BPNT1: variants seen among roughly 807,000 people sequenced by gnomAD.
BPNT1 encodes the protein 3'(2'),5'-bisphosphate nucleotidase 1.
BPNT1 carries 28 observed loss-of-function variants against 36.9 expected under a neutral mutation model. That is an observed-to-expected ratio of 0.76 (90% CI 0.56 to 1.04). The LOEUF is 1.04. Ranked by LOEUF, BPNT1 falls within the 50% of genes least tolerant of loss-of-function variation. BPNT1 has a pLI of 0.00. For synonymous variants in BPNT1, 119 were observed against 130.9 expected (o/e 0.91, Z 0.62); for missense variants, 313 against 372.9 (o/e 0.84, Z 1.32).
intron 2 of BPNT1, among the ~76,000 whole-genome samples, chr1:220,076,352 T>G (rs1349254312): frequency 6.6e-6 from 1 of 151,632 alleles, no homozygotes; most frequent in Non-Finnish European, 1.5e-5. Flanking sequence ...TACAAAAAAA[T>G]TAGCTGGGTG....
intron 6 of BPNT1, chr1:220,065,933 CAG>C: frequency 2.0e-6 from 1 of 488,272 alleles, no homozygotes; most frequent in Non-Finnish European, 3.5e-6. Context: ...GGAAGTGGTA[CAG>C]AGAGAGGTAA....
At chr1:220,087,622 CTAAA>C (rs1182757873) in intron 1 of BPNT1, among the ~76,000 whole-genome samples, 3 of 151,934 alleles carry the variant, frequency 2.0e-5, no homozygotes, top group Admixed American at 6.6e-5. Context: ...ATACCATAAA[CTAAA>C]TAAACAGGTA....
chr1:220,069,018 G>C (rs1663801936), intron 5 of BPNT1, among the ~76,000 whole-genome samples: 1 of 152,146 alleles, frequency 6.6e-6, no homozygotes, highest in African/African-American at 2.4e-5. Context: ...GGAGGGCATG[G>C]GATGGTGGTG....
Position 220,058,968 on chromosome 1 carries a change from T to C in BPNT1, c.803A>G (p.Asn268Ser). 1.2e-6 allele frequency: 2 copies of C among 1,613,764 alleles called. No individual in the cohort carries two copies. Among genetic ancestry groups the C allele is most frequent in the Non-Finnish European group, 1.7e-6 (2 of 1,179,746 alleles). Residue 268 changes from asparagine to serine, a missense_variant, in exon 9 of 9, where the codon AAT (asparagine) becomes AGT (serine). Physicochemically the swap from Asn to Ser is conservative, Grantham distance 46 (BLOSUM62 1). Coordinates refer to ENST00000322067, the MANE Select transcript of BPNT1 (RefSeq NM_006085.6). ...VGGKLTDIHG[N>S]VLQYHKDVKH... ...CACATCCTTGTGGTACTGAAGAACA[T>C]TCCCATGGATATCGGTTAACTTGCC...
At chr1:220,087,475 A>G (rs1359578313) in intron 1 of BPNT1, among the ~76,000 whole-genome samples, 1 of 152,110 alleles carries the variant, frequency 6.6e-6, no homozygotes, top group Non-Finnish European at 1.5e-5. Flanking sequence ...GAATTGCTTG[A>G]ACCTGGGAGG....
At chr1:220,074,795 A>G (rs1335032592) in intron 2 of BPNT1, among the ~76,000 whole-genome samples, 1 of 152,082 alleles carries the variant, frequency 6.6e-6, no homozygotes, top group African/African-American at 2.4e-5. Context: ...TGCCCGGCCT[A>G]AGAAATCCTG....
rs375210389 is a variant in BPNT1 at position 220,073,977 on chromosome 1, A to G, written c.215T>C (p.Ile72Thr). 9.3e-6 allele frequency: 15 copies of G among 1,613,816 alleles called. No individual in the cohort carries two copies. In the African/African-American group the frequency reaches 9.3e-5, roughly 10 times the overall value. The change falls in exon 3 of 9, where the codon ATA (isoleucine) becomes ACA (threonine). Residue 72 changes from isoleucine (I) to threonine (T), a missense_variant. Transcript: ENST00000322067. ...TCTGATGACGCTTACCTCTTCCCCT[A>G]TAATTGTGAGTTTGGGGAATTTCCG... ...LARKFPKLTIIGEEDLPSEEV... is the reference protein window; with the variant it reads ...LARKFPKLTITGEEDLPSEEV...
At chr1:220,086,944 G>A (rs1481716055) in intron 1 of BPNT1, among the ~76,000 whole-genome samples, 2 of 150,060 alleles carry the variant, frequency 1.3e-5, no homozygotes, top group Admixed American at 1.3e-4. Context: ...CTTCTTGGGA[G>A]GCTGAGGCAG....
chr1:220,078,478 TA>T (rs1314533938), intron 2 of BPNT1, among the ~76,000 whole-genome samples: 1 of 90,336 alleles, frequency 1.1e-5, no homozygotes, highest in African/African-American at 5.3e-5. Flanking sequence ...TAATTTATAA[TA>T]AATAATAATT....
rs1330057623 is a variant in BPNT1 at position 220,059,004 on chromosome 1, C to CATCA, written c.779-16_779-13dup. The CATCA allele has an allele frequency of 8.7e-6, 14 of 1,612,410 alleles. No individual in the cohort carries two copies. The highest frequency in any genetic ancestry group is 3.3e-5 in the Admixed American group (2 of 59,824). ...ATCGGTTAACTTGCCTATAGAAAAA[C>CATCA]ATCAATCAATCAATCAAGTTAGTGG... On this transcript the variant is annotated splice_polypyrimidine_tract_variant and intron_variant, in intron 8 of 8. Transcript: ENST00000322067.
chr1:220,063,708 C>T (rs1273799820), intron 6 of BPNT1, among the ~76,000 whole-genome samples: 2 of 152,086 alleles, frequency 1.3e-5, no homozygotes, highest in Non-Finnish European at 2.9e-5. Flanking sequence ...ATGTATTTGG[C>T]TGCTATGGAG....
intron 1 of BPNT1, among the ~76,000 whole-genome samples, chr1:220,088,761 G>C (rs1380059571): frequency 6.7e-6 from 1 of 149,164 alleles, no homozygotes; most frequent in East Asian, 2.0e-4. Context: ...CTGTACTCCA[G>C]CCTGGGGGAC....
At chr1:220,069,686 C>T (rs1006848687) in intron 4 of BPNT1, among the ~76,000 whole-genome samples, 15 of 152,004 alleles carry the variant, frequency 9.9e-5, no homozygotes, top group Non-Finnish European at 1.9e-4. Context: ...CCTGTAATCC[C>T]GCACTTTGAG....
chr1:220,074,409 G>A (rs949423878), intron 2 of BPNT1, among the ~76,000 whole-genome samples: 31 of 152,100 alleles, frequency 2.0e-4, no homozygotes, highest in African/African-American at 7.0e-4. Context: ...AAAGTGTTCC[G>A]TGGATCTTTC....
At chr1:220,080,593 G>A (rs149994775) in intron 1 of BPNT1, among the ~76,000 whole-genome samples, 125 of 152,222 alleles carry the variant, frequency 8.2e-4, no homozygotes, top group African/African-American at 2.9e-3. Context: ...CAAGCGAAGC[G>A]GGAGAGTCCC....
intron 6 of BPNT1, chr1:220,065,927 G>A: frequency 4.4e-6 from 2 of 454,952 alleles, no homozygotes; most frequent in Non-Finnish European, 7.6e-6. Flanking sequence ...CAGAAGGGAA[G>A]TGGTACAGAG....
intron 2 of BPNT1, among the ~76,000 whole-genome samples, chr1:220,076,927 T>C (rs1164457382): frequency 6.6e-6 from 1 of 152,178 alleles, no homozygotes; most frequent in Non-Finnish European, 1.5e-5. Context: ...GTTGCAACTA[T>C]TTTGAATACT....
At chr1:220,083,150 T>A (rs896234131) in intron 1 of BPNT1, among the ~76,000 whole-genome samples, 1 of 148,906 alleles carries the variant, frequency 6.7e-6, no homozygotes, top group East Asian at 2.1e-4. Flanking sequence ...GGCAGGAGAA[T>A]CACATGAACC....
At chr1:220,081,283 CT>C (rs1316724044) in intron 1 of BPNT1, among the ~76,000 whole-genome samples, 4 of 152,074 alleles carry the variant, frequency 2.6e-5, no homozygotes, top group African/African-American at 9.7e-5. Flanking sequence ...TGACTAACGC[CT>C]GTAATCCCAG....
Sources: allele counts gnomAD v4.1 joint callset (sites outside exome capture counted in the v4.1 genomes callset), GRCh38; gene constraint gnomAD v4.1.1; transcripts MANE v1.5; gene names NCBI Gene and HGNC (gene_info 2026-07-23, HGNC 2026-07-21).